Variants in LDLRAD3 observed in about 807,000 individuals in gnomAD.
LDLRAD3 encodes the protein low-density lipoprotein receptor class A domain-containing protein 3.
Under a neutral mutation model 29.4 loss-of-function variants are expected in LDLRAD3, and 20 were observed. The ratio of observed to expected loss-of-function variants is 0.68; its 90% CI spans 0.48 to 0.99. LDLRAD3 has a LOEUF of 0.99. Among genes scored for constraint, LDLRAD3 ranks in the 50% least tolerant of loss-of-function variants. The probability of loss-of-function intolerance (pLI) is 0.00; values close to 1 mark genes in which losing one functional copy is unlikely to be tolerated. For synonymous variants in LDLRAD3, 157 were observed against 192.7 expected, an observed-to-expected ratio of 0.81 and a Z score of 1.53; for missense variants, 420 against 454.3, an observed-to-expected ratio of 0.92 and a Z score of 0.69.
chr11:36,138,243 G>A (rs1854030746), intron 4 of LDLRAD3, among the ~76,000 whole-genome samples: 1 of 152,230 alleles, frequency 6.6e-6, no homozygotes, highest in South Asian at 2.1e-4. Flanking sequence ...ATTTCTGAAA[G>A]GCAAGTAAAT....
At chr11:35,980,758 T>A (rs11033358) in intron 1 of LDLRAD3, among the ~76,000 whole-genome samples, 8 of 152,102 alleles carry the variant, frequency 5.3e-5, no homozygotes, top group African/African-American at 1.7e-4. Flanking sequence ...ATGAATGAAA[T>A]ACAGATATAG....
At chr11:36,186,715 AC>A (rs1314899056) in intron 4 of LDLRAD3, among the ~76,000 whole-genome samples, 2 of 152,140 alleles carry the variant, frequency 1.3e-5, no homozygotes, top group Non-Finnish European at 2.9e-5. Flanking sequence ...CATACTCACC[AC>A]CTATTCCTGT....
intron 4 of LDLRAD3, among the ~76,000 whole-genome samples, chr11:36,207,808 A>G (rs369628891): frequency 1.3e-5 from 2 of 152,176 alleles, no homozygotes; most frequent in African/African-American, 4.8e-5. Flanking sequence ...TGGGGAAGGG[A>G]ATAGAACATC....
At chr11:36,079,532 C>T (rs565065494) in intron 2 of LDLRAD3, among the ~76,000 whole-genome samples, 1 of 152,218 alleles carries the variant, frequency 6.6e-6, no homozygotes, top group Admixed American at 6.5e-5. Context: ...CTGATAAGTG[C>T]TGTGGATACA....
intron 4 of LDLRAD3, among the ~76,000 whole-genome samples, chr11:36,160,296 C>A (rs1007974782): frequency 2.6e-5 from 4 of 152,122 alleles, no homozygotes; most frequent in Non-Finnish European, 5.9e-5. Context: ...GGACGTGGCC[C>A]AGTGAATCCT....
chr11:35,953,653 T>C (rs2133127603), intron 1 of LDLRAD3, among the ~76,000 whole-genome samples: 1 of 152,252 alleles, frequency 6.6e-6, no homozygotes, highest in Non-Finnish European at 1.5e-5. Flanking sequence ...AGTTCCACAG[T>C]CCGTTGAAAA....
intron 4 of LDLRAD3, among the ~76,000 whole-genome samples, chr11:36,152,931 A>G (rs1245255460): frequency 2.0e-5 from 3 of 152,172 alleles, no homozygotes; most frequent in Non-Finnish European, 4.4e-5. Flanking sequence ...AGGGAGAGGA[A>G]GCTTTCAGTC....
At chr11:36,029,025 A>T (rs910691126) in intron 1 of LDLRAD3, among the ~76,000 whole-genome samples, 4 of 152,210 alleles carry the variant, frequency 2.6e-5, no homozygotes, top group African/African-American at 9.6e-5. Flanking sequence ...CAGGCGGATC[A>T]CAGGGTCAGG....
chr11:36,038,235 G>A (rs1396643594), intron 2 of LDLRAD3, among the ~76,000 whole-genome samples: 1 of 152,092 alleles, frequency 6.6e-6, no homozygotes, highest in African/African-American at 2.4e-5. Context: ...GTATTATTAT[G>A]TCTATTTTAG....
At chr11:35,965,239 A>G (rs921207611) in intron 1 of LDLRAD3, among the ~76,000 whole-genome samples, 1 of 152,278 alleles carries the variant, frequency 6.6e-6, no homozygotes, top group Non-Finnish European at 1.5e-5. Flanking sequence ...AAAATAAATT[A>G]TGTTTTAATA....
intron 4 of LDLRAD3, among the ~76,000 whole-genome samples, chr11:36,161,497 G>A (rs888917718): frequency 6.6e-6 from 1 of 152,070 alleles, no homozygotes; most frequent in African/African-American, 2.4e-5. Flanking sequence ...ATACATATCT[G>A]TAGATGTGTT....
At chr11:36,155,304 G>T (rs1179390695) in intron 4 of LDLRAD3, among the ~76,000 whole-genome samples, 3 of 152,178 alleles carry the variant, frequency 2.0e-5, no homozygotes, top group Non-Finnish European at 4.4e-5. Context: ...TGGCCTTTCA[G>T]TGACATTCAT....
intron 4 of LDLRAD3, among the ~76,000 whole-genome samples, chr11:36,105,107 G>A (rs909447947): frequency 6.6e-6 from 1 of 152,078 alleles, no homozygotes; most frequent in South Asian, 2.1e-4. Context: ...CTGTATCCTG[G>A]TGATAAGGCT....
At chr11:36,119,114 A>C (rs1853715700) in intron 4 of LDLRAD3, among the ~76,000 whole-genome samples, 3 of 152,196 alleles carry the variant, frequency 2.0e-5, no homozygotes, top group South Asian at 4.1e-4. Flanking sequence ...AAAAATAAAA[A>C]ATAAAAAAGG....
intron 4 of LDLRAD3, among the ~76,000 whole-genome samples, chr11:36,204,512 T>G (rs1441687368): frequency 7.3e-6 from 1 of 137,100 alleles, no homozygotes; most frequent in Non-Finnish European, 1.6e-5. Flanking sequence ...TTTTTTTTTT[T>G]GAGATGAAGT....
chr11:36,136,603 A>G (rs993523399), intron 4 of LDLRAD3, among the ~76,000 whole-genome samples: 1 of 151,990 alleles, frequency 6.6e-6, no homozygotes, highest in South Asian at 2.1e-4. Context: ...ACCTTCTGCC[A>G]TGATGGAAAG....
At chr11:36,070,972 C>T (rs559689097) in intron 2 of LDLRAD3, among the ~76,000 whole-genome samples, 41 of 152,278 alleles carry the variant, frequency 2.7e-4, no homozygotes, top group African/African-American at 7.9e-4. Flanking sequence ...GCCATGATTC[C>T]TGCAACCCAG....
chr11:36,146,308 T>A (rs1265994786), intron 4 of LDLRAD3, among the ~76,000 whole-genome samples: 1 of 152,282 alleles, frequency 6.6e-6, no homozygotes, highest in Non-Finnish European at 1.5e-5. Context: ...TGCTTTTAGA[T>A]AATCCATCAG....
chr11:36,061,225 G>T (rs758072098), intron 2 of LDLRAD3, among the ~76,000 whole-genome samples: 2 of 152,084 alleles, frequency 1.3e-5, no homozygotes, highest in Non-Finnish European at 2.9e-5. Flanking sequence ...TGCAACCTCC[G>T]CCTGCTGAGT....
Sources: allele counts gnomAD v4.1 joint callset (sites outside exome capture counted in the v4.1 genomes callset), GRCh38; gene constraint gnomAD v4.1.1; transcripts MANE v1.5; gene names NCBI Gene and HGNC (gene_info 2026-07-23, HGNC 2026-07-21).